Variants in SLC44A5 observed in about 807,000 individuals in gnomAD.
SLC44A5 encodes choline transporter-like protein 5.
In SLC44A5, 57 loss-of-function variants were observed where a neutral mutation model predicts 101.8. The ratio of observed to expected loss-of-function variants is 0.56; its 90% confidence interval spans 0.45 to 0.70. The LOEUF is 0.70. Ranked by LOEUF, SLC44A5 falls within the 30% of genes least tolerant of loss-of-function variation. The pLI, the probability that SLC44A5 is intolerant of heterozygous loss-of-function variation, is 0.00. For missense variants in SLC44A5, 737 were observed against 853.1 expected, an observed-to-expected ratio of 0.86 and a Z score of 1.70; for synonymous variants, 281 against 290.9, an observed-to-expected ratio of 0.97 and a Z score of 0.35.
chr1:75,440,980 C>T (rs1478213781), intron 2 of SLC44A5, among the ~76,000 whole-genome samples: 1 of 151,280 alleles, frequency 6.6e-6, no homozygotes, highest in Non-Finnish European at 1.5e-5. Context: ...GACAATAATG[C>T]ATAATTTCTT....
intron 1 of SLC44A5, among the ~76,000 whole-genome samples, chr1:75,544,199 C>T (rs191490086): frequency 1.8e-3 from 278 of 152,140 alleles, no homozygotes; most frequent in African/African-American, 6.2e-3. Flanking sequence ...GAGTTTGGCC[C>T]GATTTGTTGC....
intron 4 of SLC44A5, among the ~76,000 whole-genome samples, chr1:75,331,664 C>A (rs1657065696): frequency 6.6e-6 from 1 of 152,162 alleles, no homozygotes; most frequent in South Asian, 2.1e-4. Flanking sequence ...TTTTCCACTG[C>A]ACTCACTGTA....
chr1:75,711,729 G>A, the SLC44A5 span, among the ~76,000 whole-genome samples: 2,856 of 152,290 alleles, frequency 0.019, 40 homozygotes, highest in Middle Eastern at 0.044. Context: ...ACGGTGATGT[G>A]TTCTATCTTG....
chr1:75,248,148 T>C (rs1475462983), intron 7 of SLC44A5, among the ~76,000 whole-genome samples: 1 of 151,894 alleles, frequency 6.6e-6, no homozygotes, highest in African/African-American at 2.4e-5. Flanking sequence ...TGGTATAAGA[T>C]GGTAAGTAAA....
At chr1:75,622,147 T>G in the SLC44A5 span, among the ~76,000 whole-genome samples, 3 of 152,106 alleles carry the variant, frequency 2.0e-5, no homozygotes, top group Admixed American at 2.0e-4. Context: ...CAATTTCATT[T>G]ATGTGTGTTT....
At position 75,281,187 on chromosome 1, in the gene SLC44A5, A is replaced by G. The variant is rs149314242; in HGVS notation, c.176-6145T>C. Among the ~76,000 whole-genome samples, 1,232 of 152,230 alleles carry G rather than the reference A, an allele frequency of 8.1e-3. 25 individuals are homozygous for G. The highest frequency in any genetic ancestry group is 0.028 in the African/African-American group (1,174 of 41,546). ...CTTTGACCAAAATGCTGATAGTGAT[A>G]TGGACAATGAAGTCCAGGCTGAGAT... On this transcript the variant is annotated intron_variant, in intron 5 of 23. Coordinates refer to ENST00000370859, the MANE Select transcript of SLC44A5 (RefSeq NM_001130058.2).
intron 10 of SLC44A5, among the ~76,000 whole-genome samples, chr1:75,237,518 C>G (rs1414727894): frequency 1.3e-5 from 2 of 152,072 alleles, no homozygotes; most frequent in African/African-American, 4.8e-5. Flanking sequence ...GAGGAATTAT[C>G]AAAGTGAACA....
chr1:75,452,275 C>A (rs184614223), intron 2 of SLC44A5, among the ~76,000 whole-genome samples: 1 of 152,024 alleles, frequency 6.6e-6, no homozygotes, highest in African/African-American at 2.4e-5. Context: ...AAATTCTGAC[C>A]AAGAATTTCA....
intron 11 of SLC44A5, among the ~76,000 whole-genome samples, 173 bp from the exon 12 acceptor site, chr1:75,234,271 T>A (rs759891513): frequency 6.6e-6 from 1 of 152,124 alleles, no homozygotes; most frequent in Non-Finnish European, 1.5e-5. Flanking sequence ...CCATTAAGAC[T>A]TTCATATGAA....
intron 4 of SLC44A5, among the ~76,000 whole-genome samples, chr1:75,332,378 C>A (rs1321021548): frequency 6.6e-6 from 1 of 151,968 alleles, no homozygotes; most frequent in Non-Finnish European, 1.5e-5. Flanking sequence ...CTAATGCATC[C>A]AGATGTTTTA....
At chr1:75,507,733 A>G (rs1322761204) in intron 2 of SLC44A5, among the ~76,000 whole-genome samples, 2 of 152,112 alleles carry the variant, frequency 1.3e-5, no homozygotes, top group Non-Finnish European at 2.9e-5. Flanking sequence ...TCAGAACTCA[A>G]TATTGGTTTG....
At chr1:75,407,014 C>A (rs1050997289) in intron 2 of SLC44A5, among the ~76,000 whole-genome samples, 1 of 152,150 alleles carries the variant, frequency 6.6e-6, no homozygotes, top group East Asian at 1.9e-4. Flanking sequence ...AGGAAAGTCT[C>A]AGGATACAAA....
intron 5 of SLC44A5, among the ~76,000 whole-genome samples, chr1:75,296,957 A>G (rs1654013551): frequency 6.6e-6 from 1 of 152,166 alleles, no homozygotes; most frequent in Admixed American, 6.5e-5. Flanking sequence ...CTGGGGCTTC[A>G]GAAAACCCAA....
chr1:75,684,880 G>A, the SLC44A5 span, among the ~76,000 whole-genome samples: 229 of 152,314 alleles, frequency 1.5e-3, no homozygotes, highest in African/African-American at 5.3e-3. Flanking sequence ...CCCCAGTGGG[G>A]ATTCTGTGTG....
intron 4 of SLC44A5, among the ~76,000 whole-genome samples, chr1:75,312,089 A>G (rs1032266196): frequency 1.3e-5 from 2 of 152,144 alleles, no homozygotes; most frequent in Non-Finnish European, 2.9e-5. Flanking sequence ...TCCTCATGGT[A>G]ATGAGTAAGT....
At chr1:75,538,861 A>G (rs1273799092) in intron 2 of SLC44A5, among the ~76,000 whole-genome samples, 1 of 152,182 alleles carries the variant, frequency 6.6e-6, no homozygotes, top group Non-Finnish European at 1.5e-5. Flanking sequence ...CTGAAACCAT[A>G]CATTGGCCTG....
intron 2 of SLC44A5, among the ~76,000 whole-genome samples, chr1:75,481,350 A>G (rs1407140673): frequency 1.3e-5 from 2 of 152,200 alleles, no homozygotes; most frequent in Admixed American, 6.5e-5. Context: ...ATGGGCAAGG[A>G]CTTCATATCT....
At chr1:75,689,375 G>A in the SLC44A5 span, among the ~76,000 whole-genome samples, 3 of 152,128 alleles carry the variant, frequency 2.0e-5, no homozygotes, top group Admixed American at 2.0e-4. Flanking sequence ...CCAAGCCTAG[G>A]AAACCAGATC....
chr1:75,290,741 G>T (rs932722626), intron 5 of SLC44A5, among the ~76,000 whole-genome samples: 1 of 152,178 alleles, frequency 6.6e-6, no homozygotes, highest in African/African-American at 2.4e-5. Context: ...ATAAGGAAAA[G>T]ATTTGGAGGG....
Sources: gnomAD v4.1 joint callset for allele counts (sites outside exome capture counted in the v4.1 genomes callset) on GRCh38, gnomAD v4.1.1 for gene constraint, MANE v1.5 for transcripts, NCBI Gene and HGNC (gene_info 2026-07-23, HGNC 2026-07-21) for gene names.